Variants in DLGAP2 observed in about 807,000 individuals in gnomAD.
DLGAP2 encodes the protein disks large-associated protein 2.
DLGAP2 carries 26 observed loss-of-function variants against 100.3 expected under a neutral mutation model. The observed-to-expected ratio is 0.26, with a 90% confidence interval of 0.19 to 0.36. The LOEUF (loss-of-function observed/expected upper bound fraction) is 0.36. DLGAP2 is among the 10% of genes least tolerant of loss of function. The pLI is 1.00. For synonymous variants in DLGAP2, 886 were observed against 630.1 expected (o/e 1.41, Z -6.08); for missense variants, 1,858 against 1,453.2 (o/e 1.28, Z -4.53).
chr8:1,410,187 G>A (rs936935497), intron 3 of DLGAP2, among the ~76,000 whole-genome samples: 5 of 152,148 alleles, frequency 3.3e-5, no homozygotes, highest in South Asian at 2.1e-4. Flanking sequence ...TGCAAGCTTC[G>A]ATCAGGGCCC....
intron 3 of DLGAP2, among the ~76,000 whole-genome samples, chr8:1,273,052 TG>T (rs1445638430): frequency 6.6e-6 from 1 of 152,122 alleles, no homozygotes; most frequent in Non-Finnish European, 1.5e-5. Context: ...ATTTGACCAC[TG>T]GGGTTGATCC....
chr8:1,590,154 C>T (rs535969749), intron 6 of DLGAP2, among the ~76,000 whole-genome samples: 1 of 152,278 alleles, frequency 6.6e-6, no homozygotes, highest in African/African-American at 2.4e-5. Flanking sequence ...CTCATAAGAG[C>T]ACTGTCATCC....
intron 13 of DLGAP2, among the ~76,000 whole-genome samples, chr8:1,695,071 C>G (rs1234835640): frequency 3.9e-5 from 6 of 152,216 alleles, no homozygotes; most frequent in Admixed American, 3.3e-4. Context: ...GATGCCTGCT[C>G]TCAGGCAGCC....
chr8:1,321,139 A>G (rs949047981), intron 3 of DLGAP2, among the ~76,000 whole-genome samples: 2 of 147,402 alleles, frequency 1.4e-5, no homozygotes, highest in African/African-American at 5.1e-5. Flanking sequence ...GTGTCTCTGC[A>G]TGTGTGCATG....
At chr8:1,082,315 C>T (rs965694984) in intron 2 of DLGAP2, among the ~76,000 whole-genome samples, 6 of 152,126 alleles carry the variant, frequency 3.9e-5, no homozygotes, top group African/African-American at 9.7e-5. Context: ...GATTTTTTAT[C>T]TCTCTTATTT....
intron 1 of DLGAP2, among the ~76,000 whole-genome samples, chr8:804,722 C>T (rs1257083751): frequency 6.6e-6 from 1 of 152,198 alleles, no homozygotes; most frequent in Non-Finnish European, 1.5e-5. Context: ...AGTCTTCCAG[C>T]AAGGGCACTG....
At chr8:1,534,569 T>G (rs1801089902) in intron 4 of DLGAP2, among the ~76,000 whole-genome samples, 1 of 152,250 alleles carries the variant, frequency 6.6e-6, no homozygotes, top group African/African-American at 2.4e-5. Flanking sequence ...TATGTTCACC[T>G]TGTACCAATC....
Position 769,942 on chromosome 8 carries a change from C to A in DLGAP2, c.18+32117C>A, listed in dbSNP as rs552422379. Among the ~76,000 whole-genome samples the A allele has an allele frequency of 2.0e-4, 29 of 144,454 alleles. No individual in the cohort carries two copies. The East Asian group carries it at 5.4e-3, about 27-fold the overall frequency. 94.8% of individuals were successfully genotyped at this position (144,454 alleles called of 152,430 possible). On this transcript the variant is annotated intron_variant, in intron 1 of 14. Coordinates refer to ENST00000637795, the MANE Select transcript of DLGAP2 (RefSeq NM_001346810.2). Reference sequence around the variant, plus strand: ...CAGCAGCTGCGGGGGTCATGCCGACCCCAGAGTCACTTGTGCAGCTCTACA... The same window carrying A: ...CAGCAGCTGCGGGGGTCATGCCGACACCAGAGTCACTTGTGCAGCTCTACA...
intron 1 of DLGAP2, among the ~76,000 whole-genome samples, chr8:825,321 C>T (rs1796666482): frequency 6.6e-6 from 1 of 152,206 alleles, no homozygotes; most frequent in Admixed American, 6.5e-5. Flanking sequence ...GGAAACTGTA[C>T]ACCTTTAGGA....
intron 4 of DLGAP2, among the ~76,000 whole-genome samples, chr8:1,544,882 GCCA>G (rs1171591100): frequency 4.6e-5 from 7 of 151,866 alleles, no homozygotes; most frequent in Non-Finnish European, 1.0e-4. Context: ...ACAGGCATGC[GCCA>G]CCATGCCCAG....
intron 2 of DLGAP2, among the ~76,000 whole-genome samples, chr8:1,024,819 G>A (rs139480577): frequency 2.1e-3 from 317 of 152,254 alleles, no homozygotes; most frequent in Non-Finnish European, 1.0e-3. Flanking sequence ...GGCCAGCGGC[G>A]TCTCAAGCTC....
chr8:1,233,213 G>C (rs2116838049), intron 2 of DLGAP2, among the ~76,000 whole-genome samples: 1 of 152,316 alleles, frequency 6.6e-6, no homozygotes, highest in East Asian at 1.9e-4. Flanking sequence ...CATTTGAGTT[G>C]TTTCTGCCTC....
intron 2 of DLGAP2, among the ~76,000 whole-genome samples, chr8:911,679 A>G (rs1239974949): frequency 6.6e-6 from 1 of 150,478 alleles, no homozygotes; most frequent in African/African-American, 2.5e-5. Context: ...TGCGTATATA[A>G]TGTATGTTGG....
chr8:1,391,323 C>G (rs11136387), intron 3 of DLGAP2, among the ~76,000 whole-genome samples: 107,411 of 151,756 alleles, frequency 0.71, 38,063 homozygotes, highest in Admixed American at 0.72. Context: ...TTGGGGTACC[C>G]TGCAGAACGA....
At chr8:1,345,327 T>A (rs115789326) in intron 3 of DLGAP2, among the ~76,000 whole-genome samples, 1 of 152,180 alleles carries the variant, frequency 6.6e-6, no homozygotes, top group African/African-American at 2.4e-5. Context: ...TTGTTCTGTT[T>A]CTCTTCGCCA....
At chr8:910,994 C>G (rs1798473583) in intron 2 of DLGAP2, among the ~76,000 whole-genome samples, 1 of 152,060 alleles carries the variant, frequency 6.6e-6, no homozygotes, top group South Asian at 2.1e-4. Context: ...TTAAAATAGT[C>G]CCAGACGCCT....
intron 3 of DLGAP2, among the ~76,000 whole-genome samples, chr8:1,329,578 C>T (rs1801101916): frequency 6.6e-6 from 1 of 152,184 alleles, no homozygotes; most frequent in African/African-American, 2.4e-5. Flanking sequence ...TCGGTAGATG[C>T]TTACTGACTA....
intron 6 of DLGAP2, among the ~76,000 whole-genome samples, chr8:1,574,005 G>A (rs551363371): frequency 6.6e-6 from 1 of 152,296 alleles, no homozygotes; most frequent in African/African-American, 2.4e-5. Context: ...CATTCTGGGA[G>A]CTCCAGGCTT....
chr8:1,452,165 T>C (rs1243371388), intron 3 of DLGAP2, among the ~76,000 whole-genome samples: 1 of 152,210 alleles, frequency 6.6e-6, no homozygotes, highest in Non-Finnish European at 1.5e-5. Flanking sequence ...GTTTGAGGCA[T>C]AGCCCCGTGG....
Sources: allele counts gnomAD v4.1 joint callset (sites outside exome capture counted in the v4.1 genomes callset), GRCh38; gene constraint gnomAD v4.1.1; transcripts MANE v1.5; gene names NCBI Gene and HGNC (gene_info 2026-07-23, HGNC 2026-07-21).